Variants in EZH2 observed in about 807,000 individuals in gnomAD.
EZH2 encodes the protein histone-lysine N-methyltransferase EZH2.
A neutral mutation model predicts 98.4 loss-of-function variants in EZH2; 18 were observed. The ratio of observed to expected loss-of-function variants is 0.18; its 90% CI spans 0.13 to 0.27. The LOEUF (loss-of-function observed/expected upper bound fraction) is 0.27, where lower values mean the gene tolerates loss of function less well. Ranked by LOEUF, EZH2 falls within the 10% of genes least tolerant of loss-of-function variation. EZH2 has a pLI of 1.00. For synonymous variants in EZH2, 338 were observed against 312.3 expected (o/e 1.08, Z -0.87); for missense variants, 470 against 935.1 (o/e 0.50, Z 6.49).
chr7:148,863,388 T>C (rs2129488612), intron 1 of EZH2, among the ~76,000 whole-genome samples: 1 of 152,332 alleles, frequency 6.6e-6, no homozygotes, highest in Admixed American at 6.5e-5. Flanking sequence ...CTACAGAATT[T>C]AAATGAAATA....
intron 1 of EZH2, among the ~76,000 whole-genome samples, chr7:148,881,705 G>A (rs764869499): frequency 3.9e-5 from 6 of 152,058 alleles, no homozygotes; most frequent in Admixed American, 6.5e-5. Context: ...AGGCGGAGGC[G>A]GGTACATCAC....
intron 3 of EZH2, among the ~76,000 whole-genome samples, chr7:148,834,311 T>C (rs1367227063): frequency 6.7e-6 from 1 of 149,972 alleles, no homozygotes; most frequent in Non-Finnish European, 1.5e-5. Flanking sequence ...AAAAAAGAAG[T>C]GTAGTAAAAT....
intron 1 of EZH2, among the ~76,000 whole-genome samples, chr7:148,863,423 TAAGA>T (rs199932904): frequency 1.1e-4 from 16 of 152,260 alleles, no homozygotes; most frequent in African/African-American, 3.4e-4. Context: ...AGTGCCAAAT[TAAGA>T]GACTAATATC....
intron 1 of EZH2, among the ~76,000 whole-genome samples, chr7:148,877,082 CT>C (rs933077611): frequency 5.9e-5 from 9 of 151,808 alleles, no homozygotes; most frequent in African/African-American, 2.2e-4. Context: ...TAAAACAGAT[CT>C]TTGTATTGAC....
chr7:148,866,555 C>CTT (rs55982732), intron 1 of EZH2, among the ~76,000 whole-genome samples: 1 of 93,038 alleles, frequency 1.1e-5, no homozygotes, highest in Admixed American at 1.1e-4. Flanking sequence ...CATATATATA[C>CTT]ATATATACAT....
At chr7:148,834,825 C>T (rs1227825309) in intron 3 of EZH2, among the ~76,000 whole-genome samples, 1 of 152,182 alleles carries the variant, frequency 6.6e-6, no homozygotes, top group Non-Finnish European at 1.5e-5. Flanking sequence ...ATTTATTGAG[C>T]ACGTACTATG....
intron 1 of EZH2, among the ~76,000 whole-genome samples, chr7:148,883,712 G>T (rs1336586250): frequency 6.6e-6 from 1 of 151,912 alleles, no homozygotes; most frequent in Non-Finnish European, 1.5e-5. Context: ...TCTGAGTGCG[G>T]ACTCGGCGGC....
chr7:148,809,435 A>T (rs1563188303), intron 17 of EZH2, 45 bp from the exon 18 acceptor site: 2 of 1,463,916 alleles, frequency 1.4e-6, no homozygotes, highest in African/African-American at 1.4e-5. Flanking sequence ...AATTTCAGTT[A>T]TAAGTAAACC....
chr7:148,873,833 A>G (rs1334331691), intron 1 of EZH2, among the ~76,000 whole-genome samples: 2 of 139,442 alleles, frequency 1.4e-5, no homozygotes, highest in African/African-American at 2.8e-5. Context: ...ATTAATAAAA[A>G]GGAGCTTAAA....
chr7:148,869,835 C>T (rs1819078963), intron 1 of EZH2, among the ~76,000 whole-genome samples: 1 of 142,784 alleles, frequency 7.0e-6, no homozygotes, highest in Admixed American at 6.7e-5. Context: ...AGCTACGTGC[C>T]AAGGAAATAC....
chr7:148,836,683 G>A, intron 3 of EZH2: 1 of 382,346 alleles, frequency 2.6e-6, no homozygotes, highest in South Asian at 2.1e-5. Flanking sequence ...ACACAAGGAA[G>A]TTAGAGATGA....
At chr7:148,846,718 A>T in intron 2 of EZH2, 120 bp from the exon 3 acceptor site, 2 of 843,688 alleles carry the variant, frequency 2.4e-6, no homozygotes, top group South Asian at 3.6e-5. Context: ...ACATTTTCTT[A>T]GGTGCATATA....
intron 1 of EZH2, among the ~76,000 whole-genome samples, chr7:148,860,740 C>G (rs953824552): frequency 6.6e-6 from 1 of 152,174 alleles, no homozygotes; most frequent in East Asian, 1.9e-4. Flanking sequence ...GGCGCAATCA[C>G]GGCTCACTAC....
At chr7:148,855,431 C>T (rs1816655610) in intron 1 of EZH2, among the ~76,000 whole-genome samples, 1 of 152,224 alleles carries the variant, frequency 6.6e-6, no homozygotes, top group Admixed American at 6.5e-5. Context: ...AGTTCTCCCA[C>T]TTAGCAGCTG....
intron 3 of EZH2, among the ~76,000 whole-genome samples, chr7:148,838,063 C>CTTTTTTT (rs35838307): frequency 9.9e-6 from 1 of 100,510 alleles, no homozygotes; most frequent in Non-Finnish European, 1.9e-5. Flanking sequence ...GTTTAGACTC[C>CTTTTTTT]TTTTTTTTTT....
intron 1 of EZH2, among the ~76,000 whole-genome samples, chr7:148,860,325 C>G (rs1344008112): frequency 8.9e-6 from 1 of 112,198 alleles, no homozygotes; most frequent in East Asian, 2.4e-4. Flanking sequence ...CAGCAGTGGG[C>G]ATAGAAGAAA....
At chr7:148,853,671 A>G (rs1242945231) in intron 1 of EZH2, among the ~76,000 whole-genome samples, 1 of 152,246 alleles carries the variant, frequency 6.6e-6, no homozygotes, top group Non-Finnish European at 1.5e-5. Context: ...TATTACATAA[A>G]TAGTTGTTAA....
chr7:148,865,723 A>G (rs1009638801), intron 1 of EZH2, among the ~76,000 whole-genome samples: 1 of 152,176 alleles, frequency 6.6e-6, no homozygotes, highest in Non-Finnish European at 1.5e-5. Context: ...TGCCTTGTAC[A>G]CTAACTTTAT....
chr7:148,881,947 CAT>C lies in EZH2; in HGVS notation c.-8+2215_-8+2216del, dbSNP rs557758696. ...AGGCTCTGTCTCAAAAAAAAAAAAA[CAT>C]ATACACACACACACACGCGCGCGCA... On this transcript the variant is annotated intron_variant, in intron 1 of 19. Coordinates refer to ENST00000320356, the MANE Select transcript of EZH2 (RefSeq NM_004456.5). 1.8e-3 allele frequency among the ~76,000 whole-genome samples: 206 copies of C among 115,338 alleles called. 2 individuals are homozygous for C. The highest frequency in any genetic ancestry group is 7.1e-3 in the African/African-American group (197 of 27,738). 75.7% of individuals were successfully genotyped at this position (115,338 alleles called of 152,430 possible). A position where few individuals can be genotyped will look rare whatever the true frequency, so the allele number is the denominator to read the frequency against.
Sources: gnomAD v4.1 joint callset for allele counts (sites outside exome capture counted in the v4.1 genomes callset) on GRCh38, gnomAD v4.1.1 for gene constraint, MANE v1.5 for transcripts, NCBI Gene and HGNC (gene_info 2026-07-23, HGNC 2026-07-21) for gene names.